ADCY8: variants seen among roughly 807,000 people sequenced by gnomAD.
ADCY8 encodes adenylate cyclase 8.
A neutral mutation model predicts 119.7 loss-of-function variants in ADCY8; 51 were observed. The ratio of observed to expected loss-of-function variants is 0.43; its 90% confidence interval spans 0.34 to 0.54. The LOEUF (loss-of-function observed/expected upper bound fraction) is 0.54, where lower values mean the gene tolerates loss of function less well. ADCY8 is among the 20% of genes least tolerant of loss of function. The probability of loss-of-function intolerance (pLI) is 0.03; values close to 1 mark genes in which losing one functional copy is unlikely to be tolerated. For missense variants in ADCY8, 1,383 were observed against 1,598.8 expected (o/e 0.87, Z 2.30); for synonymous variants, 665 against 651.0 (o/e 1.02, Z -0.33).
intron 16 of ADCY8, among the ~76,000 whole-genome samples, chr8:130,784,583 G>T (rs1044957602): frequency 6.6e-6 from 1 of 152,164 alleles, no homozygotes; most frequent in African/African-American, 2.4e-5. Flanking sequence ...TGCCATTTTA[G>T]CTTGAAAGGA....
chr8:131,028,486 G>T (rs925349342), intron 1 of ADCY8, among the ~76,000 whole-genome samples: 1 of 151,948 alleles, frequency 6.6e-6, no homozygotes, highest in African/African-American at 2.4e-5. Context: ...GGGTGTGGGA[G>T]ATTTGACTTT....
At chr8:130,956,970 C>A (rs558904211) in intron 2 of ADCY8, among the ~76,000 whole-genome samples, 1 of 152,270 alleles carries the variant, frequency 6.6e-6, no homozygotes, top group East Asian at 1.9e-4. Flanking sequence ...TTGGGTATAT[C>A]TTTACTAGTA....
chr8:130,900,098 G>T (rs1177567020), intron 7 of ADCY8, among the ~76,000 whole-genome samples: 1 of 152,300 alleles, frequency 6.6e-6, no homozygotes, highest in East Asian at 1.9e-4. Context: ...GGAAACCAAG[G>T]CATCAAATTA....
chr8:130,794,531 C>G (rs181857855), intron 15 of ADCY8, among the ~76,000 whole-genome samples: 1 of 152,314 alleles, frequency 6.6e-6, no homozygotes, highest in East Asian at 1.9e-4. Context: ...GCATGAGCCA[C>G]GACGGCCAGC....
At chr8:131,002,348 T>C (rs1166825476) in intron 1 of ADCY8, among the ~76,000 whole-genome samples, 2 of 152,220 alleles carry the variant, frequency 1.3e-5, no homozygotes, top group African/African-American at 4.8e-5. Context: ...GGGTATGTGT[T>C]ATAGAAAGGC....
At chr8:130,846,891 CCTTCCTT>C (rs1563689852) in intron 11 of ADCY8, among the ~76,000 whole-genome samples, 929 of 53,742 alleles carry the variant, frequency 0.017, 35 homozygotes, top group Admixed American at 0.027. Context: ...CCTTCCCTTT[CCTTCCTT>C]CCTTCCTTCC....
intron 5 of ADCY8, among the ~76,000 whole-genome samples, chr8:130,921,174 AAAG>A (rs1463622510): frequency 6.6e-6 from 1 of 152,222 alleles, no homozygotes; most frequent in African/African-American, 2.4e-5. Context: ...AGTAAAGAAT[AAAG>A]AAGAAAATTA....
intron 5 of ADCY8, among the ~76,000 whole-genome samples, chr8:130,912,515 C>T (rs1431997663): frequency 1.3e-5 from 2 of 152,252 alleles, no homozygotes; most frequent in African/African-American, 4.8e-5. Flanking sequence ...TTAAGACATG[C>T]AGTGTCCTTT....
chr8:130,935,407 T>G (rs1820753717), intron 5 of ADCY8: 2 of 152,166 alleles, frequency 1.3e-5, no homozygotes, highest in Non-Finnish European at 2.9e-5. Flanking sequence ...CTCCTCAGAT[T>G]CCTTCTCTTC....
chr8:130,998,848 T>G (rs1822857914), intron 1 of ADCY8, among the ~76,000 whole-genome samples: 2 of 152,136 alleles, frequency 1.3e-5, no homozygotes, highest in Non-Finnish European at 2.9e-5. Context: ...AAGATGATTC[T>G]CAGCAAGTTC....
intron 13 of ADCY8, among the ~76,000 whole-genome samples, chr8:130,817,122 T>C (rs1302530362): frequency 1.3e-5 from 2 of 152,230 alleles, no homozygotes; most frequent in Non-Finnish European, 2.9e-5. Flanking sequence ...GTGGTAACAA[T>C]TGTATTAATA....
intron 12 of ADCY8, among the ~76,000 whole-genome samples, chr8:130,834,387 T>C (rs1816924275): frequency 6.6e-6 from 1 of 152,242 alleles, no homozygotes; most frequent in Non-Finnish European, 1.5e-5. Context: ...AAACAAATAT[T>C]TTAAAAATCT....
rs1049619100 is a variant in ADCY8 at position 131,019,113 on chromosome 8, C to T, written c.960+20261G>A. ...GAGGAATATGATGGTATGAAATTGA[C>T]GGTATTGTTGGTATTAATGAAAATG... On this transcript the variant is annotated intron_variant, in intron 1 of 17. Coordinates refer to ENST00000286355, the MANE Select transcript of ADCY8 (RefSeq NM_001115.3). Among the ~76,000 whole-genome samples the T allele has an allele frequency of 6.6e-5, 10 of 152,166 alleles. No homozygotes were observed. In the South Asian group the frequency reaches 1.2e-3, roughly 19 times the overall value.
chr8:130,946,887 C>CA (rs1346730705), intron 3 of ADCY8, among the ~76,000 whole-genome samples: 1 of 152,184 alleles, frequency 6.6e-6, no homozygotes, highest in East Asian at 1.9e-4. Context: ...TTTGTGTGCA[C>CA]ATTTAAGACT....
intron 2 of ADCY8, among the ~76,000 whole-genome samples, chr8:130,974,205 T>C (rs1479329982): frequency 4.6e-5 from 7 of 152,244 alleles, no homozygotes; most frequent in African/African-American, 1.4e-4. Flanking sequence ...TGGCAGCCTT[T>C]GCTGGCTCCT....
chr8:130,783,687 T>A lies in ADCY8; in HGVS notation c.3268+4A>T. On this transcript the variant is annotated splice_donor_region_variant and intron_variant, in intron 17 of 17. Transcript: ENST00000286355. ...ATCAGGCCCCACCTGCAGCTGCTAC[T>A]CACCAATCCGGAGTTCAAAATTGTT... 6.2e-7 allele frequency: 1 copy of A among 1,609,596 alleles called. No individual in the cohort carries two copies. The highest frequency in any genetic ancestry group is 8.5e-7 in the Non-Finnish European group (1 of 1,177,002).
intron 5 of ADCY8, among the ~76,000 whole-genome samples, chr8:130,912,556 T>A (rs1321381184): frequency 6.6e-6 from 1 of 152,204 alleles, no homozygotes; most frequent in Non-Finnish European, 1.5e-5. Flanking sequence ...AAAGAATGAA[T>A]GAATGATTCC....
At chr8:130,881,150 T>C (rs1284352470) in intron 8 of ADCY8, among the ~76,000 whole-genome samples, 1 of 152,178 alleles carries the variant, frequency 6.6e-6, no homozygotes, top group Non-Finnish European at 1.5e-5. Context: ...TTTCGGCTCT[T>C]AGAGTTCACA....
At chr8:130,976,881 A>C (rs1201210061) in intron 2 of ADCY8, among the ~76,000 whole-genome samples, 1 of 152,190 alleles carries the variant, frequency 6.6e-6, no homozygotes, top group African/African-American at 2.4e-5. Flanking sequence ...CTTTACATGG[A>C]GCTCATTTTA....
Sources: allele counts gnomAD v4.1 joint callset (sites outside exome capture counted in the v4.1 genomes callset), GRCh38; gene constraint gnomAD v4.1.1; transcripts MANE v1.5; gene names NCBI Gene and HGNC (gene_info 2026-07-23, HGNC 2026-07-21).